PTPRT: variants seen among roughly 807,000 people sequenced by gnomAD.
PTPRT encodes receptor-type tyrosine-protein phosphatase T.
Under a neutral mutation model 176.8 loss-of-function variants are expected in PTPRT, and 56 were observed. The observed-to-expected ratio is 0.32, with a 90% confidence interval of 0.26 to 0.40. The LOEUF (loss-of-function observed/expected upper bound fraction) is 0.40, where lower values mean the gene tolerates loss of function less well. PTPRT is among the 10% of genes least tolerant of loss of function. PTPRT has a pLI of 1.00. For synonymous variants in PTPRT, 783 were observed against 739.0 expected, an observed-to-expected ratio of 1.06 and a Z score of -0.96; for missense variants, 1,540 against 1,908.2, an observed-to-expected ratio of 0.81 and a Z score of 3.60.
At chr20:42,417,634 T>G (rs1396669002) in intron 9 of PTPRT, among the ~76,000 whole-genome samples, 1 of 150,952 alleles carries the variant, frequency 6.6e-6, no homozygotes, top group East Asian at 1.9e-4. Flanking sequence ...AATATCTGTT[T>G]TAAAACTTCA....
At chr20:42,934,128 A>T (rs1568687294) in intron 1 of PTPRT, among the ~76,000 whole-genome samples, 1 of 152,232 alleles carries the variant, frequency 6.6e-6, no homozygotes, top group Non-Finnish European at 1.5e-5. Context: ...GTCAAAAGGT[A>T]CTGAGAATTT....
chr20:42,261,924 T>G (rs2056756641), intron 13 of PTPRT, among the ~76,000 whole-genome samples: 1 of 152,074 alleles, frequency 6.6e-6, no homozygotes, highest in Admixed American at 6.5e-5. Flanking sequence ...GCAGCTAGCA[T>G]CAGAGTGCCT....
chr20:42,465,827 A>G (rs1322965571), intron 8 of PTPRT, among the ~76,000 whole-genome samples: 1 of 152,188 alleles, frequency 6.6e-6, no homozygotes, highest in Non-Finnish European at 1.5e-5. Context: ...GGTTTGTTAC[A>G]TAGGTAAATG....
rs113692565 is a variant in PTPRT, at chr20:42,905,509, C to T, written c.89-19577G>A. Among the ~76,000 whole-genome samples the T allele has an allele frequency of 6.0e-3, 910 of 152,248 alleles. 9 individuals carry two copies. Among genetic ancestry groups the T allele is most frequent in the African/African-American group, 0.02 (844 of 41,540 alleles). On this transcript the variant is annotated intron_variant, in intron 1 of 30. Coordinates refer to ENST00000373187, the MANE Select transcript of PTPRT (RefSeq NM_007050.6). ...TCAACCATTGTGGAAGACAGTGTGG[C>T]GATTCCTCAAGGATCTAGAACTAGA...
chr20:42,117,564 G>T (rs1987351948), intron 21 of PTPRT, among the ~76,000 whole-genome samples: 1 of 152,152 alleles, frequency 6.6e-6, no homozygotes, highest in Admixed American at 6.5e-5. Context: ...AGAGGTCAGG[G>T]GAAGAAGAGC....
chr20:42,035,887 A>G, the PTPRT span, among the ~76,000 whole-genome samples: 2 of 152,196 alleles, frequency 1.3e-5, no homozygotes. Context: ...ACTAGATTGC[A>G]ATGGGGAGTT....
At chr20:42,938,058 A>G (rs1380953585) in intron 1 of PTPRT, among the ~76,000 whole-genome samples, 1 of 152,244 alleles carries the variant, frequency 6.6e-6, no homozygotes, top group African/African-American at 2.4e-5. Flanking sequence ...CAAAGATCTT[A>G]TCAATGGATT....
rs147315194 is a variant in PTPRT at position 43,084,041 on chromosome 20, T to C, written c.88+105605A>G. On this transcript the variant is annotated intron_variant, in intron 1 of 30. Transcript: ENST00000373187. ...ATGTTTTGCTTATCCATTTGCCAGC[T>C]GATGGATATTTGGACTGTTTCCACT... 1.2e-4 allele frequency among the ~76,000 whole-genome samples: 18 copies of C among 152,344 alleles called. No individual in the cohort carries two copies. In the East Asian group the frequency reaches 3.5e-3, roughly 29 times the overall value.
At chr20:42,504,659 T>C (rs993341620) in intron 7 of PTPRT, among the ~76,000 whole-genome samples, 1 of 152,178 alleles carries the variant, frequency 6.6e-6, no homozygotes, top group African/African-American at 2.4e-5. Context: ...TCTTTTAAAA[T>C]TGTATAATTT....
intron 15 of PTPRT, 137 bp from the exon 16 acceptor site, chr20:42,199,525 A>C: frequency 1.0e-6 from 1 of 996,974 alleles, no homozygotes; most frequent in Non-Finnish European, 1.5e-6. Flanking sequence ...GAATCAAGGC[A>C]GAACAAACCA....
At chr20:42,656,804 T>A (rs1600559333) in intron 7 of PTPRT, among the ~76,000 whole-genome samples, 1 of 152,290 alleles carries the variant, frequency 6.6e-6, no homozygotes, top group East Asian at 1.9e-4. Flanking sequence ...TAACAGTATA[T>A]TAAGACTGTA....
At chr20:43,126,668 C>G (rs956884512) in intron 1 of PTPRT, among the ~76,000 whole-genome samples, 2 of 152,226 alleles carry the variant, frequency 1.3e-5, no homozygotes, top group Admixed American at 6.5e-5. Flanking sequence ...TTGAAAATTA[C>G]TATATTATTT....
chr20:42,216,097 G>A (rs1387443392), intron 15 of PTPRT, among the ~76,000 whole-genome samples: 1 of 150,902 alleles, frequency 6.6e-6, no homozygotes, highest in East Asian at 1.9e-4. Context: ...ACAGCTGAGT[G>A]AACCTCCTTC....
intron 2 of PTPRT, among the ~76,000 whole-genome samples, chr20:42,867,750 C>T (rs2078773239): frequency 7.2e-6 from 1 of 139,512 alleles, no homozygotes; most frequent in East Asian, 2.1e-4. Flanking sequence ...GGCACTATGT[C>T]GGCTCACCAC....
chr20:42,798,013 G>A (rs928586226), intron 2 of PTPRT, among the ~76,000 whole-genome samples: 11 of 152,082 alleles, frequency 7.2e-5, no homozygotes, highest in East Asian at 1.9e-4. Context: ...GTGGGGTTTC[G>A]GCCACTAAAT....
At chr20:42,741,447 C>T (rs2014960) in intron 6 of PTPRT, among the ~76,000 whole-genome samples, 7 of 151,470 alleles carry the variant, frequency 4.6e-5, no homozygotes, top group Non-Finnish European at 8.8e-5. Context: ...TAGGTTCAAG[C>T]GATTCTCCTG....
chr20:42,488,511 C>T (rs1193899141), intron 7 of PTPRT, among the ~76,000 whole-genome samples: 1 of 152,046 alleles, frequency 6.6e-6, no homozygotes, highest in African/African-American at 2.4e-5. Context: ...GAATTTCTTC[C>T]TATATTTTTC....
At chr20:43,166,006 A>G (rs1231993275) in intron 1 of PTPRT, among the ~76,000 whole-genome samples, 1 of 151,868 alleles carries the variant, frequency 6.6e-6, no homozygotes, top group Non-Finnish European at 1.5e-5. Flanking sequence ...CCTGGCTAAC[A>G]TGGAGAAACG....
chr20:42,139,297 C>A (rs1276180954), intron 18 of PTPRT, among the ~76,000 whole-genome samples: 1 of 152,094 alleles, frequency 6.6e-6, no homozygotes, highest in South Asian at 2.1e-4. Context: ...TTAAACCCAT[C>A]AAGGTGGTAT....
Sources: gnomAD v4.1 joint callset for allele counts (sites outside exome capture counted in the v4.1 genomes callset) on GRCh38, gnomAD v4.1.1 for gene constraint, MANE v1.5 for transcripts, NCBI Gene and HGNC (gene_info 2026-07-23, HGNC 2026-07-21) for gene names.